KIAA0825: variants seen among roughly 807,000 people sequenced by gnomAD.
The protein encoded by KIAA0825 is uncharacterized protein KIAA0825.
In KIAA0825, 119 loss-of-function variants were observed where a neutral mutation model predicts 147.6. The ratio of observed to expected loss-of-function variants is 0.81; its 90% CI spans 0.69 to 0.94. The LOEUF is 0.94. KIAA0825 is among the 40% of genes least tolerant of loss of function. The pLI, the probability that KIAA0825 is intolerant of heterozygous loss-of-function variation, is 0.00. For missense variants in KIAA0825, 1,381 were observed against 1,472.7 expected (o/e 0.94, Z 1.02); for synonymous variants, 470 against 518.1 (o/e 0.91, Z 1.26).
At chr5:94,597,427 C>T (rs1431799651) in intron 1 of KIAA0825, among the ~76,000 whole-genome samples, 2 of 151,238 alleles carry the variant, frequency 1.3e-5, no homozygotes, top group Non-Finnish European at 2.9e-5. Context: ...ACCAATGCAC[C>T]AAAAAAAGTG....
chr5:94,165,058 ACAAAG>A (rs1391073283), intron 20 of KIAA0825, among the ~76,000 whole-genome samples: 2 of 152,216 alleles, frequency 1.3e-5, no homozygotes, highest in Non-Finnish European at 2.9e-5. Flanking sequence ...GATACAATCA[ACAAAG>A]CAAAGAGACA....
Position 94,159,607 on chromosome 5 carries a change from A to ATATATG in KIAA0825, c.3711-5489_3711-5484dup, listed in dbSNP as rs563739566. 8.9e-4 allele frequency among the ~76,000 whole-genome samples: 136 copies of ATATATG among 152,294 alleles called. 2 individuals are homozygous for ATATATG. Among genetic ancestry groups the ATATATG allele is most frequent in the Admixed American group, 8.7e-3 (133 of 15,286 alleles). On this transcript the variant is annotated intron_variant, in intron 20 of 20. Coordinates refer to ENST00000682413, the MANE Select transcript of KIAA0825 (RefSeq NM_001145678.3). ...CAATAAATAAATATTGCATATATGT[A>ATATATG]TATATGTATATGTATATGATCGTGT...
At chr5:94,613,414 G>C (rs1789469556) in intron 1 of KIAA0825, among the ~76,000 whole-genome samples, 1 of 152,112 alleles carries the variant, frequency 6.6e-6, no homozygotes, top group Non-Finnish European at 1.5e-5. Flanking sequence ...GGTCAGGCTG[G>C]TCTCGGACTC....
Position 94,153,828 on chromosome 5 carries a change from TA to T in KIAA0825, c.*178del, listed in dbSNP as rs536591394. 1.2e-5 allele frequency: 5 copies of T among 432,334 alleles called. No individual in the cohort carries two copies. Among genetic ancestry groups the T allele is most frequent in the South Asian group, 1.6e-4 (2 of 12,886 alleles). 26.8% of individuals were successfully genotyped at this position (432,334 alleles called of 1,614,324 possible). A position where few individuals can be genotyped will look rare whatever the true frequency, so the allele number is the denominator to read the frequency against. On this transcript the variant is annotated 3_prime_UTR_variant, in exon 21 of 21. Transcript: ENST00000682413. Reference sequence around the variant, plus strand: ...AAAACATTTGAAATTATTTTTAAAATAAAAAAATATGTAGCACCTTATCCTT... The same window carrying T: ...AAAACATTTGAAATTATTTTTAAAATAAAAAATATGTAGCACCTTATCCTT...
intron 20 of KIAA0825, among the ~76,000 whole-genome samples, chr5:94,266,763 G>A (rs1467117437): frequency 2.0e-5 from 3 of 152,046 alleles, no homozygotes; most frequent in Admixed American, 2.0e-4. Context: ...CATAACTTAT[G>A]TTAATATGTA....
At chr5:94,371,974 TGA>T (rs2150460975) in intron 20 of KIAA0825, among the ~76,000 whole-genome samples, 1 of 152,310 alleles carries the variant, frequency 6.6e-6, no homozygotes, top group South Asian at 2.1e-4. Context: ...CTGTTCCAAA[TGA>T]GAGAAATTGG....
chr5:94,490,614 G>A lies in KIAA0825; in HGVS notation c.971-5684C>T, dbSNP rs541130440. 1.6e-4 allele frequency among the ~76,000 whole-genome samples: 25 copies of A among 151,844 alleles called. No homozygotes were observed. The South Asian group carries it at 3.3e-3, about 20-fold the overall frequency. ...AAAGAAATTTCACCATAAAAGGTGC[G>A]CACAGATATTTACAAAACTGTTACC... On this transcript the variant is annotated intron_variant, in intron 5 of 20. Transcript: ENST00000682413.
rs538471171 is a variant in KIAA0825 at position 94,512,887 on chromosome 5, C to A, written c.970+7361G>T. Among the ~76,000 whole-genome samples, 172 of 152,144 alleles carry A rather than the reference C, an allele frequency of 1.1e-3. 1 individual carries two copies. Among genetic ancestry groups the A allele is most frequent in the Admixed American group, 2.7e-3 (42 of 15,282 alleles). On this transcript the variant is annotated intron_variant, in intron 5 of 20. Coordinates refer to ENST00000682413, the MANE Select transcript of KIAA0825 (RefSeq NM_001145678.3). ...CTCCAGCCTGAGCGATAGAGCGAGA[C>A]TCCATCTTATAAATAAATAAATAAA...
At chr5:94,489,597 CT>C (rs1268276816) in intron 5 of KIAA0825, among the ~76,000 whole-genome samples, 3 of 150,020 alleles carry the variant, frequency 2.0e-5, no homozygotes, top group African/African-American at 7.3e-5. Context: ...ACAAACTCCA[CT>C]TTTTTGGCTA....
chr5:94,474,914 C>G (rs367815409), intron 7 of KIAA0825, among the ~76,000 whole-genome samples: 151 of 152,184 alleles, frequency 9.9e-4, no homozygotes, highest in African/African-American at 3.5e-3. Context: ...ACGGTGAAAC[C>G]CGGTCTCTAC....
At chr5:94,182,632 C>CGATATTTTTG (rs1769768676) in intron 20 of KIAA0825, among the ~76,000 whole-genome samples, 2 of 152,008 alleles carry the variant, frequency 1.3e-5, no homozygotes, top group Non-Finnish European at 2.9e-5. Context: ...TTCCCCTAAG[C>CGATATTTTTG]AAGTACTGAT....
At chr5:94,195,567 G>C (rs1044002551) in intron 20 of KIAA0825, among the ~76,000 whole-genome samples, 1 of 151,690 alleles carries the variant, frequency 6.6e-6, no homozygotes, top group African/African-American at 2.4e-5. Context: ...ATGCTCCCTG[G>C]CTCCAAAATT....
chr5:94,548,832 G>T (rs1341096352), intron 2 of KIAA0825, among the ~76,000 whole-genome samples: 8 of 152,120 alleles, frequency 5.3e-5, no homozygotes, highest in Admixed American at 5.2e-4. Context: ...AAGAGACAAA[G>T]AAGGTCATTA....
At chr5:94,561,306 T>C (rs950039115) in intron 2 of KIAA0825, among the ~76,000 whole-genome samples, 9 of 152,366 alleles carry the variant, frequency 5.9e-5, no homozygotes, top group Middle Eastern at 3.4e-3. Context: ...CTTTATCTTA[T>C]GCATCTCTCT....
At chr5:94,156,799 A>C (rs1472583105) in intron 20 of KIAA0825, among the ~76,000 whole-genome samples, 1 of 152,192 alleles carries the variant, frequency 6.6e-6, no homozygotes, top group Non-Finnish European at 1.5e-5. Flanking sequence ...ATGGATGAAA[A>C]AATATTAGAA....
chr5:94,360,999 C>T (rs1439540068), intron 20 of KIAA0825, among the ~76,000 whole-genome samples: 1 of 152,108 alleles, frequency 6.6e-6, no homozygotes, highest in Admixed American at 6.5e-5. Flanking sequence ...AATTGCTAGG[C>T]TTTCAAAGCT....
chr5:94,615,064 T>TAAA (rs570986751), intron 1 of KIAA0825, among the ~76,000 whole-genome samples: 11 of 130,058 alleles, frequency 8.5e-5, no homozygotes, highest in African/African-American at 3.1e-4. Flanking sequence ...TCATAGCTGG[T>TAAA]AAAAAAAAAA....
intron 13 of KIAA0825, among the ~76,000 whole-genome samples, chr5:94,449,291 G>T (rs1363853003): frequency 6.6e-6 from 1 of 152,186 alleles, no homozygotes; most frequent in East Asian, 1.9e-4. Flanking sequence ...TGTGGGTGAA[G>T]CAGAAGCTAC....
intron 2 of KIAA0825, among the ~76,000 whole-genome samples, chr5:94,558,286 C>G (rs932269045): frequency 1.1e-4 from 17 of 152,114 alleles, no homozygotes; most frequent in Non-Finnish European, 2.2e-4. Context: ...GCAAGGACTC[C>G]CTGGTAACAC....
Sources: gnomAD v4.1 joint callset for allele counts (sites outside exome capture counted in the v4.1 genomes callset) on GRCh38, gnomAD v4.1.1 for gene constraint, MANE v1.5 for transcripts, NCBI Gene and HGNC (gene_info 2026-07-23, HGNC 2026-07-21) for gene names.